Variants in NIN observed in about 807,000 individuals in gnomAD.
NIN encodes glycogen synthase kinase 3 beta-interacting protein.
Under a neutral mutation model 257.6 loss-of-function variants are expected in NIN, and 137 were observed. The observed-to-expected ratio is 0.53, with a 90% CI of 0.46 to 0.61. The LOEUF is 0.61. Ranked by LOEUF, NIN falls within the 20% of genes least tolerant of loss-of-function variation. The pLI is 0.00. For missense variants in NIN, 2,439 were observed against 2,501.2 expected (o/e 0.98, Z 0.53); for synonymous variants, 918 against 919.8 (o/e 1.00, Z 0.04).
rs34408175 is a variant in NIN at position 50,731,528 on chromosome 14, C to CAAA, written c.5878-1808_5878-1806dup. On this transcript the variant is annotated intron_variant, in intron 28 of 30. Coordinates refer to ENST00000530997, the MANE Select transcript of NIN (RefSeq NM_020921.4). ...CCTGGGTGACAGTGAGACTCCATCT[C>CAAA]AAAAAAAAAAAAAAAAAAAAAATTA... Among the ~76,000 whole-genome samples the CAAA allele has an allele frequency of 7.3e-3, 706 of 96,062 alleles. 8 individuals carry two copies. Among genetic ancestry groups the CAAA allele is most frequent in the African/African-American group, 0.027 (654 of 23,794 alleles). The allele number at this position is 96,062 out of a possible 152,430, so 63.0% of individuals were successfully genotyped here.
At chr14:50,781,508 C>T (rs2043134537) in intron 5 of NIN, among the ~76,000 whole-genome samples, 1 of 152,222 alleles carries the variant, frequency 6.6e-6, no homozygotes, top group Admixed American at 6.5e-5. Context: ...TCTTATGAGT[C>T]TATGAGACTG....
At position 50,779,766 on chromosome 14, in the gene NIN, A is replaced by G. The variant is rs2043061004; in HGVS notation, c.436-962T>C. On this transcript the variant is annotated intron_variant, in intron 5 of 30. Transcript: ENST00000530997. Reference sequence around the variant, plus strand: ...GAGCGAGACTCCGTCTCAAAAAAAAAAAAAGAAAAGAAAAGAAGGGGGGCA... The same window carrying G: ...GAGCGAGACTCCGTCTCAAAAAAAAGAAAAGAAAAGAAAAGAAGGGGGGCA... Among the ~76,000 whole-genome samples the G allele has an allele frequency of 2.6e-5, 4 of 152,288 alleles. No homozygotes were observed. The South Asian group carries it at 8.3e-4, about 32-fold the overall frequency.
intron 5 of NIN, among the ~76,000 whole-genome samples, chr14:50,787,051 G>A (rs1483807670): frequency 6.6e-6 from 1 of 152,156 alleles, no homozygotes; most frequent in Non-Finnish European, 1.5e-5. Context: ...TGCTTGTAGT[G>A]CAGTAATCAG....
intron 4 of NIN, among the ~76,000 whole-genome samples, chr14:50,800,093 ATTTAT>A (rs1465887862): frequency 1.3e-5 from 2 of 151,872 alleles, no homozygotes; most frequent in Non-Finnish European, 2.9e-5. Flanking sequence ...CACCAGCCCT[ATTTAT>A]TTAATTTTAA....
At chr14:50,796,437 C>T (rs561092837) in intron 4 of NIN, among the ~76,000 whole-genome samples, 32 of 152,330 alleles carry the variant, frequency 2.1e-4, no homozygotes, top group African/African-American at 6.7e-4. Flanking sequence ...GTGGGGAAAA[C>T]ATCTGATTCG....
chr14:50,751,844 T>C (rs1566803614), intron 21 of NIN, among the ~76,000 whole-genome samples: 1 of 152,190 alleles, frequency 6.6e-6, no homozygotes, highest in Non-Finnish European at 1.5e-5. Flanking sequence ...ATCTTTTGTA[T>C]ATGATTTATT....
intron 25 of NIN, among the ~76,000 whole-genome samples, chr14:50,739,972 T>C (rs1181757141): frequency 2.0e-5 from 3 of 152,370 alleles, no homozygotes; most frequent in Non-Finnish European, 2.9e-5. Flanking sequence ...ATCCTTTTTT[T>C]AGAATCCAAA....
chr14:50,724,680 G>C (rs551623856), intron 30 of NIN, among the ~76,000 whole-genome samples: 1 of 152,224 alleles, frequency 6.6e-6, no homozygotes, highest in South Asian at 2.1e-4. Flanking sequence ...CTCTCCTCCT[G>C]CTTCTCCCAG....
chr14:50,756,395 C>CTACTAGGTTAGTTTCTCTAGGCT (rs2042028012), intron 18 of NIN, 97 bp downstream of exon 18: 2 of 1,288,216 alleles, frequency 1.6e-6, no homozygotes, highest in South Asian at 1.4e-5. Context: ...TTCGTGAAGA[C>CTACTAGGTTAGTTTCTCTAGGCT]TACTAGGTTA....
At position 50,803,296 on chromosome 14, in the gene NIN, T is replaced by A. The variant is rs372017462; in HGVS notation, c.265+3441A>T. The stretch of plus-strand genomic sequence containing the variant: ...TGAACCTGGGAGGCGGAGGTTGCAG[T>A]GAACTGAGATTGTGCCACTGCACTC... On this transcript the variant is annotated intron_variant, in intron 4 of 30. Transcript: ENST00000530997. 1.6e-3 allele frequency among the ~76,000 whole-genome samples: 237 copies of A among 152,238 alleles called. 7 individuals carry two copies. In the South Asian group the frequency reaches 0.043, roughly 28 times the overall value.
intron 25 of NIN, 67 bp downstream of exon 25, chr14:50,741,515 A>AGCT: frequency 1.2e-6 from 1 of 808,794 alleles, no homozygotes; most frequent in Non-Finnish European, 1.7e-6. Flanking sequence ...AAAATAACCA[A>AGCT]GTTGTCCTAA....
chr14:50,804,473 G>A (rs575449756), intron 4 of NIN, among the ~76,000 whole-genome samples: 2 of 152,318 alleles, frequency 1.3e-5, no homozygotes, highest in East Asian at 1.9e-4. Context: ...ACACTGAGGT[G>A]GAGCAGTTTT....
At chr14:50,756,001 T>C (rs964875551) in intron 18 of NIN, among the ~76,000 whole-genome samples, 1 of 152,136 alleles carries the variant, frequency 6.6e-6, no homozygotes, top group African/African-American at 2.4e-5. Flanking sequence ...CAGCATGTGC[T>C]TCAAGTGATA....
chr14:50,796,236 T>C (rs2043832520), intron 4 of NIN, among the ~76,000 whole-genome samples: 1 of 152,162 alleles, frequency 6.6e-6, no homozygotes, highest in Non-Finnish European at 1.5e-5. Context: ...ACCCCATCCC[T>C]GGAAAGCTTA....
chr14:50,766,508 T>A, intron 13 of NIN, 112 bp from the exon 14 acceptor site: 1 of 942,716 alleles, frequency 1.1e-6, no homozygotes, highest in African/African-American at 1.6e-5. Context: ...ATGATAGGAA[T>A]GTGACATGTA....
intron 3 of NIN, among the ~76,000 whole-genome samples, chr14:50,818,409 G>C (rs2045036256): frequency 6.6e-6 from 1 of 151,528 alleles, no homozygotes; most frequent in Non-Finnish European, 1.5e-5. Context: ...TCTAATAAAG[G>C]AGATAGAGAG....
chr14:50,817,485 A>T (rs927687019), intron 3 of NIN, among the ~76,000 whole-genome samples: 11 of 152,194 alleles, frequency 7.2e-5, no homozygotes, highest in African/African-American at 2.7e-4. Flanking sequence ...AATTATATAT[A>T]TTTGTACAGC....
chr14:50,822,141 C>T (rs2045251889), intron 2 of NIN, 64 bp from the exon 3 acceptor site: 11 of 1,187,568 alleles, frequency 9.3e-6, no homozygotes, highest in Non-Finnish European at 1.3e-5. Flanking sequence ...GTGGTCACCA[C>T]CTGGCACATT....
chr14:50,823,347 AG>A (rs772557084), intron 2 of NIN: 5 of 528,468 alleles, frequency 9.5e-6, no homozygotes, highest in South Asian at 7.5e-5. Flanking sequence ...CTATAAAAAA[AG>A]CAGCAGCTTT....
Sources: gnomAD v4.1 joint callset for allele counts (sites outside exome capture counted in the v4.1 genomes callset) on GRCh38, gnomAD v4.1.1 for gene constraint, MANE v1.5 for transcripts, NCBI Gene and HGNC (gene_info 2026-07-23, HGNC 2026-07-21) for gene names.